ANK2: variants seen among roughly 807,000 people sequenced by gnomAD.
ANK2 encodes ankyrin 2.
Under a neutral mutation model 360.5 loss-of-function variants are expected in ANK2, and 83 were observed. That is an observed-to-expected ratio of 0.23 (90% CI 0.19 to 0.28). The LOEUF is 0.28. Ranked by LOEUF, ANK2 falls within the 10% of genes least tolerant of loss-of-function variation. The pLI is 1.00. For missense variants in ANK2, 4,201 were observed against 4,795.7 expected (o/e 0.88, Z 3.66); for synonymous variants, 1,740 against 1,759.5 (o/e 0.99, Z 0.28).
intron 2 of ANK2, among the ~76,000 whole-genome samples, chr4:113,175,913 A>C (rs1363757986): frequency 6.6e-6 from 1 of 152,238 alleles, no homozygotes; most frequent in Non-Finnish European, 1.5e-5. Flanking sequence ...TGGGAAAGGC[A>C]TTCTGCTGTG....
At chr4:113,156,120 T>A (rs951009757) in intron 1 of ANK2, among the ~76,000 whole-genome samples, 1 of 152,204 alleles carries the variant, frequency 6.6e-6, no homozygotes, top group African/African-American at 2.4e-5. Flanking sequence ...CAAGAGTTTT[T>A]ATGGCAGTGT....
chr4:112,888,462 A>C (rs1425982512), intron 1 of ANK2, among the ~76,000 whole-genome samples: 4 of 152,234 alleles, frequency 2.6e-5, no homozygotes, highest in African/African-American at 9.6e-5. Flanking sequence ...AAGGGTTTGC[A>C]TATTAAGATA....
At chr4:113,272,322 C>T (rs2058829466) in intron 14 of ANK2, among the ~76,000 whole-genome samples, 1 of 152,180 alleles carries the variant, frequency 6.6e-6, no homozygotes, top group Non-Finnish European at 1.5e-5. Flanking sequence ...TGTTGCCTCT[C>T]ATTTTTGGAA....
At chr4:113,018,520 G>C (rs762389293) in intron 2 of ANK2, among the ~76,000 whole-genome samples, 3 of 152,120 alleles carry the variant, frequency 2.0e-5, no homozygotes, top group Non-Finnish European at 4.4e-5. Flanking sequence ...CTAGAGTTTA[G>C]ACTTAAGGTT....
At chr4:113,069,049 C>A (rs1408614203) in intron 1 of ANK2, among the ~76,000 whole-genome samples, 2 of 151,848 alleles carry the variant, frequency 1.3e-5, no homozygotes, top group Non-Finnish European at 2.9e-5. Flanking sequence ...CAGCGAGACC[C>A]TGTCTAATGA....
intron 1 of ANK2, among the ~76,000 whole-genome samples, chr4:113,096,466 T>C (rs1316199055): frequency 6.6e-6 from 1 of 152,168 alleles, no homozygotes; most frequent in Non-Finnish European, 1.5e-5. Context: ...CCATGAGGCT[T>C]CCACCTCACA....
intron 2 of ANK2, among the ~76,000 whole-genome samples, chr4:112,962,085 T>C (rs1237628640): frequency 1.3e-5 from 2 of 152,180 alleles, no homozygotes; most frequent in African/African-American, 4.8e-5. Flanking sequence ...TTTTTGTCTT[T>C]GTTTTTCCAA....
intron 21 of ANK2, 93 bp downstream of exon 21, chr4:113,292,607 C>T (rs2068326228): frequency 3.0e-6 from 4 of 1,321,610 alleles, no homozygotes; most frequent in African/African-American, 2.9e-5. Flanking sequence ...GGTCAGATTC[C>T]TCCTCTTTAA....
At position 113,000,279 on chromosome 4, in the gene ANK2, C is replaced by G. The variant is rs75398655; in HGVS notation, c.21+95765C>G. 7.7e-3 allele frequency among the ~76,000 whole-genome samples: 1,172 copies of G among 152,294 alleles called. 16 individuals are homozygous for G. Among genetic ancestry groups the G allele is most frequent in the African/African-American group, 0.027 (1,117 of 41,546 alleles). On this transcript the variant is annotated intron_variant, in intron 2 of 30. Transcript: ENST00000503271. ...TGTCTGTCTCTGGTGATAAGAATTG[C>G]TCTCCTCTTCCTGGTACAGAGAGAT...
At chr4:113,219,333 A>G (rs1190127798) in intron 4 of ANK2, among the ~76,000 whole-genome samples, 1 of 152,042 alleles carries the variant, frequency 6.6e-6, no homozygotes, top group African/African-American at 2.4e-5. Context: ...TTTATAACAA[A>G]TTGGGTACAA....
At chr4:112,831,338 C>CT (rs1416880160) in intron 1 of ANK2, among the ~76,000 whole-genome samples, 1 of 152,080 alleles carries the variant, frequency 6.6e-6, no homozygotes, top group African/African-American at 2.4e-5. Flanking sequence ...AATCAGCACT[C>CT]TGTGTCTAGC....
At chr4:113,145,033 C>T (rs1340387576) in intron 1 of ANK2, among the ~76,000 whole-genome samples, 1 of 151,882 alleles carries the variant, frequency 6.6e-6, no homozygotes, top group East Asian at 1.9e-4. Flanking sequence ...TGAAAGCCAT[C>T]TTGATTATTG....
chr4:113,107,970 A>T (rs912929321), intron 1 of ANK2, among the ~76,000 whole-genome samples: 1 of 152,208 alleles, frequency 6.6e-6, no homozygotes, highest in Admixed American at 6.5e-5. Context: ...AATAAAAAAG[A>T]TGGTTAAAGT....
chr4:113,061,577 C>T (rs1482069776), intron 1 of ANK2, among the ~76,000 whole-genome samples: 29 of 152,022 alleles, frequency 1.9e-4, no homozygotes, highest in Admixed American at 1.7e-3. Context: ...TACATACACA[C>T]GTACACACGC....
chr4:113,182,874 A>C (rs2098445005), intron 2 of ANK2, among the ~76,000 whole-genome samples: 2 of 152,206 alleles, frequency 1.3e-5, no homozygotes, highest in South Asian at 2.1e-4. Flanking sequence ...AAGTGGAATC[A>C]AGAAGGCTTT....
chr4:113,190,554 A>C (rs1177650705), intron 2 of ANK2, among the ~76,000 whole-genome samples: 2 of 152,070 alleles, frequency 1.3e-5, no homozygotes, highest in African/African-American at 4.8e-5. Context: ...TTAGAGACTG[A>C]GATATTTTCT....
At chr4:113,051,724 T>A (rs2067115779) in intron 1 of ANK2, among the ~76,000 whole-genome samples, 1 of 152,176 alleles carries the variant, frequency 6.6e-6, no homozygotes, top group Non-Finnish European at 1.5e-5. Flanking sequence ...ATCTCAGTTC[T>A]ACCCTTTAAT....
chr4:113,140,839 G>A (rs182475193), intron 1 of ANK2, among the ~76,000 whole-genome samples: 62 of 152,146 alleles, frequency 4.1e-4, no homozygotes, highest in Middle Eastern at 6.8e-3. Flanking sequence ...TTAGCCAGGC[G>A]TGGTGGTGCA....
chr4:113,005,152 C>A (rs1230464998), intron 2 of ANK2, among the ~76,000 whole-genome samples: 1 of 151,950 alleles, frequency 6.6e-6, no homozygotes, highest in Non-Finnish European at 1.5e-5. Flanking sequence ...ATAGACAGGG[C>A]TAATTTACCT....
Sources: gnomAD v4.1 joint callset for allele counts (sites outside exome capture counted in the v4.1 genomes callset) on GRCh38, gnomAD v4.1.1 for gene constraint, MANE v1.5 for transcripts, NCBI Gene and HGNC (gene_info 2026-07-23, HGNC 2026-07-21) for gene names.